Variants in NSD1 observed in about 807,000 individuals in gnomAD.
The protein encoded by NSD1 is histone-lysine N-methyltransferase, H3 lysine-36 specific.
Under a neutral mutation model 242.7 loss-of-function variants are expected in NSD1, and 26 were observed. That is an observed-to-expected ratio of 0.11 (90% confidence interval 0.08 to 0.15). NSD1 has a LOEUF of 0.15. Among genes scored for constraint, NSD1 ranks in the 10% least tolerant of loss-of-function variants. The pLI is 1.00. For missense variants in NSD1, 2,495 were observed against 3,272.8 expected (o/e 0.76, Z 5.80); for synonymous variants, 1,106 against 1,178.1 (o/e 0.94, Z 1.25).
intron 14 of NSD1, chr5:177,266,542 C>A: frequency 1.5e-6 from 1 of 672,498 alleles, no homozygotes; most frequent in East Asian, 3.3e-5. Flanking sequence ...TTCCGCCTGG[C>A]CACAGGACAC....
intron 2 of NSD1, among the ~76,000 whole-genome samples, chr5:177,184,555 GTC>G (rs1760947100): frequency 6.6e-6 from 1 of 151,996 alleles, no homozygotes; most frequent in Admixed American, 6.6e-5. Context: ...TGGAGACAGG[GTC>G]TCACTCTGTC....
intron 2 of NSD1, among the ~76,000 whole-genome samples, chr5:177,185,293 C>A (rs181516217): frequency 8.6e-5 from 13 of 151,550 alleles, no homozygotes; most frequent in Non-Finnish European, 5.9e-5. Context: ...CATGGTGAAA[C>A]CCTGTCTCTA....
At position 177,209,707 on chromosome 5, in the gene NSD1, G is replaced by A. The variant is rs751314713; in HGVS notation, c.1308G>A (p.Gly436=). 1.2e-6 allele frequency: 2 copies of A among 1,613,912 alleles called. No individual in the cohort carries two copies. The highest frequency in any genetic ancestry group is 1.3e-5 in the African/African-American group (1 of 74,890). Residue 436 remains glycine, a synonymous_variant, in exon 5 of 23, where the codon GGG becomes GGA. Coordinates refer to ENST00000439151, the MANE Select transcript of NSD1 (RefSeq NM_022455.5). Reference sequence around the variant, plus strand: ...CAGAACAGTATGATGTTCCCAAGGGGTCAAAGAACCGAAAATGTATTCCTG... The same window carrying A: ...CAGAACAGTATGATGTTCCCAAGGGATCAAAGAACCGAAAATGTATTCCTG... ...GLAEQYDVPK[G]SKNRKCIPGS...
intron 19 of NSD1, 87 bp downstream of exon 19, chr5:177,282,668 G>A: frequency 9.9e-7 from 1 of 1,009,494 alleles, no homozygotes; most frequent in Non-Finnish European, 1.6e-6. Flanking sequence ...ATGTAACGCA[G>A]TTCCCAAGGT....
rs143406017 is a variant in NSD1 at position 177,135,137 on chromosome 5, T to C, written c.34T>C (p.Cys12Arg). 15 of 1,614,042 alleles carry C rather than the reference T, an allele frequency of 9.3e-6. No individual in the cohort carries two copies. The highest frequency in any genetic ancestry group is 5.5e-5 in the South Asian group (5 of 91,094). The change falls in exon 2 of 23, where the codon TGT becomes CGT. Residue 12 changes from cysteine (C) to arginine (R), a missense_variant. Cys to Arg is a radical substitution (Grantham distance 180, BLOSUM62 -3). Around this residue, in one of 19 missense-constraint regions of NSD1, gnomAD observed 376 missense variants for 367.4 expected, o/e 1.02. Transcript: ENST00000439151. The part of the protein sequence containing the change: ...DQTCELPRRN[C>R]LLPFSNPVNL... The stretch of plus-strand genomic sequence containing the variant: ...GACCTGTGAACTACCCAGAAGAAAT[T>C]GTCTGCTGCCCTTTTCCAATCCAGT...
At position 177,290,311 on chromosome 5, in the gene NSD1, T is replaced by C. The variant is rs1033657843; in HGVS notation, c.6258+1386T>C. ...AAAATAAACTATATAGTGACTTCAATTGAGTATGTTCCATATGCCTTTTTG... is the reference window on the plus strand; with the variant it reads ...AAAATAAACTATATAGTGACTTCAACTGAGTATGTTCCATATGCCTTTTTG... On this transcript the variant is annotated intron_variant, in intron 21 of 22. Coordinates refer to ENST00000439151, the MANE Select transcript of NSD1 (RefSeq NM_022455.5). Among the ~76,000 whole-genome samples the C allele has an allele frequency of 9.9e-5, 15 of 151,822 alleles. No homozygotes were observed. In the Middle Eastern group the frequency reaches 0.01, roughly 103 times the overall value.
intron 2 of NSD1, among the ~76,000 whole-genome samples, chr5:177,154,011 G>C (rs556609242): frequency 6.6e-6 from 1 of 152,054 alleles, no homozygotes; most frequent in Non-Finnish European, 1.5e-5. Flanking sequence ...TGCTGGCTCA[G>C]TCTCTCTAAT....
chr5:177,185,959 T>TAA (rs1761153483), intron 2 of NSD1, among the ~76,000 whole-genome samples: 1 of 91,418 alleles, frequency 1.1e-5, no homozygotes, highest in Non-Finnish European at 1.9e-5. Flanking sequence ...AGTTATATAT[T>TAA]TATATATAAC....
At chr5:177,172,888 G>C (rs1759826931) in intron 2 of NSD1, among the ~76,000 whole-genome samples, 1 of 145,522 alleles carries the variant, frequency 6.9e-6, no homozygotes, top group Non-Finnish European at 1.5e-5. Flanking sequence ...CTTGAGTCTG[G>C]TATGTTGAGG....
chr5:177,239,672 C>T (rs1765704254), intron 7 of NSD1, 84 bp from the exon 8 acceptor site: 2 of 779,772 alleles, frequency 2.6e-6, no homozygotes, highest in African/African-American at 1.7e-5. Context: ...CATTGAGATT[C>T]ATTTTGTGTG....
chr5:177,132,575 G>GCTGGGGACTCGGC (rs1342683422), upstream of NSD1, among the ~76,000 whole-genome samples: 12 of 151,924 alleles, frequency 7.9e-5, no homozygotes. The surrounding 1 kb of genome is among the most constrained non-coding windows in gnomAD (Gnocchi z 7.5). Context: ...CTGGGCCCGG[G>GCTGGGGACTCGGC]CTGGGGACTC....
chr5:177,203,597 A>G (rs954481374), intron 3 of NSD1, among the ~76,000 whole-genome samples: 2 of 152,168 alleles, frequency 1.3e-5, no homozygotes, highest in African/African-American at 4.8e-5. Flanking sequence ...AATCCATGCA[A>G]AGCACCTTGT....
chr5:177,288,230 G>A (rs538935770), intron 20 of NSD1, among the ~76,000 whole-genome samples: 19 of 152,236 alleles, frequency 1.2e-4, no homozygotes, highest in African/African-American at 2.4e-4. Flanking sequence ...AAGTTTACAC[G>A]TTACTGCTAT....
At chr5:177,164,501 T>C (rs1382449836) in intron 2 of NSD1, among the ~76,000 whole-genome samples, 5 of 152,200 alleles carry the variant, frequency 3.3e-5, no homozygotes, top group African/African-American at 1.2e-4. Flanking sequence ...TTTCCTTGTC[T>C]GACTTCTGAG....
At chr5:177,176,480 C>T (rs1760218216) in intron 2 of NSD1, among the ~76,000 whole-genome samples, 1 of 151,050 alleles carries the variant, frequency 6.6e-6, no homozygotes, top group Non-Finnish European at 1.5e-5. Context: ...GTGGCCCAGG[C>T]TAGAGTGCCG....
chr5:177,253,875 A>G (rs1055002933), intron 12 of NSD1, among the ~76,000 whole-genome samples: 1 of 152,184 alleles, frequency 6.6e-6, no homozygotes, highest in Non-Finnish European at 1.5e-5. Flanking sequence ...GGGATCAAGC[A>G]GTCCTCCTCG....
chr5:177,167,922 A>G (rs2149795025), intron 2 of NSD1, among the ~76,000 whole-genome samples: 1 of 152,100 alleles, frequency 6.6e-6, no homozygotes, highest in East Asian at 1.9e-4. Context: ...TATGATTTTT[A>G]CTTTTTGGCG....
intron 4 of NSD1, 42 bp downstream of exon 4, chr5:177,204,334 G>A (rs902978124): frequency 2.5e-6 from 4 of 1,571,456 alleles, no homozygotes; most frequent in Non-Finnish European, 3.5e-6. Flanking sequence ...ACAGAAGCAA[G>A]TAAGAAAAAG....
rs1581430529 is a variant in NSD1 at position 177,246,858 on chromosome 5, C to T, written c.4497+62C>T. 3.5e-6 allele frequency: 4 copies of T among 1,149,174 alleles called. No individual in the cohort carries two copies. In the East Asian group the frequency reaches 9.4e-5, roughly 27 times the overall value. The allele number at this position is 1,149,174 out of a possible 1,614,324, so 71.2% of individuals were successfully genotyped here. A position where few individuals can be genotyped will look rare whatever the true frequency, so the allele number is the denominator to read the frequency against. On this transcript the variant is annotated intron_variant, in intron 10 of 22. Transcript: ENST00000439151. ...AGAAGCTACTTTTCACGCCAGAGGC[C>T]ACATCCCTCTTTCCCTTGAGTTTTC...
Sources: gnomAD v4.1 joint callset for allele counts (sites outside exome capture counted in the v4.1 genomes callset) on GRCh38, gnomAD v4.1.1 for gene constraint, gnomAD v4.1.1 regional missense constraint, Gnocchi (gnomAD v3.1) non-coding constraint, MANE v1.5 for transcripts, NCBI Gene and HGNC (gene_info 2026-07-23, HGNC 2026-07-21) for gene names.